AVPR2: variants seen among roughly 807,000 people sequenced by gnomAD.
AVPR2 encodes vasopressin V2 receptor.
A neutral mutation model predicts 12.0 loss-of-function variants in AVPR2; 3 were observed. That is an observed-to-expected ratio of 0.25 (90% CI 0.11 to 0.64). The LOEUF (loss-of-function observed/expected upper bound fraction) is 0.64. Among genes scored for constraint, AVPR2 ranks in the 30% least tolerant of loss-of-function variants. AVPR2 has a pLI of 0.84. For synonymous variants in AVPR2, 143 were observed against 147.5 expected, an observed-to-expected ratio of 0.97 and a Z score of 0.22; for missense variants, 279 against 347.9, an observed-to-expected ratio of 0.80 and a Z score of 1.58.
At position 153,905,767 on chromosome X, in the gene AVPR2, C is replaced by T. The variant is rs782453202; in HGVS notation, c.261C>T (p.Ala87=). ...GCCACTTGTGCCTGGCCGACCTGGC[C>T]GTGGCTCTGTTCCAAGTGCTGCCCC... ...FIGHLCLADL[A]VALFQVLPQL... is the part of the protein sequence containing the mutation. The change falls in exon 3 of 4, where the codon GCC becomes GCT. Residue 87 remains alanine, a synonymous_variant. Transcript: ENST00000646375. 5 of 1,208,422 alleles carry T rather than the reference C, an allele frequency of 4.1e-6. No individual in the cohort carries two copies. The highest frequency in any genetic ancestry group is 3.5e-5 in the African/African-American group (2 of 57,746).
upstream of AVPR2, among the ~76,000 whole-genome samples, chrX:153,903,368 GCACC>G (rs2064942886): frequency 4.7e-4 from 4 of 8,504 alleles, no homozygotes; most frequent in African/African-American, 1.7e-3. Flanking sequence ...GGTGTGATGT[GCACC>G]TGTGTGTGCT....
intron 2 of AVPR2, 124 bp downstream of exon 2, chrX:153,905,294 G>T: frequency 9.5e-7 from 1 of 1,049,271 alleles, no homozygotes; most frequent in Non-Finnish European, 1.3e-6. Flanking sequence ...GCCAATGAGT[G>T]GGGAGGGGAG....
At position 153,906,067 on chromosome X, in the gene AVPR2, C is replaced by T. The variant is rs1360805697; in HGVS notation, c.561C>T (p.Ser187=). Residue 187 remains serine (S), a synonymous_variant, in exon 3 of 4, where the codon AGC becomes AGT. Transcript: ENST00000646375. The part of the protein sequence containing the change: ...IFAQRNVEGG[S]GVTDCWACFA... The stretch of plus-strand genomic sequence containing the variant: ...CCCAGCGCAACGTGGAAGGTGGCAG[C>T]GGGGTCACTGACTGCTGGGCCTGCT... 5.0e-6 allele frequency: 6 copies of T among 1,210,882 alleles called. No homozygotes were observed. The highest frequency in any genetic ancestry group is 6.7e-6 in the Non-Finnish European group (6 of 895,434).
At chrX:153,904,541 A>AT (rs1410852977), upstream of AVPR2, among the ~76,000 whole-genome samples, 1 of 110,443 alleles carries the variant, frequency 9.1e-6, no homozygotes, top group Non-Finnish European at 1.9e-5. Context: ...CGTGGAGGCT[A>AT]TGGCAGTGGG....
At position 153,906,991 on chromosome X, in the gene AVPR2, A is replaced by G. The variant is rs781853683; in HGVS notation, c.*263A>G. On this transcript the variant is annotated 3_prime_UTR_variant, in exon 4 of 4. Coordinates refer to ENST00000646375, the MANE Select transcript of AVPR2 (RefSeq NM_000054.7). Reference sequence around the variant, plus strand: ...CTGAGCTGGGTGTAGGAGGGGCTGCAGCAGAGGCCTGAGGAGTGGCAGGAA... The same window carrying G: ...CTGAGCTGGGTGTAGGAGGGGCTGCGGCAGAGGCCTGAGGAGTGGCAGGAA... 2 of 482,024 alleles carry G rather than the reference A, an allele frequency of 4.1e-6. No homozygotes were observed. Among genetic ancestry groups the G allele is most frequent in the East Asian group, 3.9e-5 (1 of 25,375 alleles). 39.7% of individuals were successfully genotyped at this position (482,024 alleles called of 1,213,427 possible). A position where few individuals can be genotyped will look rare whatever the true frequency, so the allele number is the denominator to read the frequency against.
upstream of AVPR2, among the ~76,000 whole-genome samples, chrX:153,904,415 C>T (rs923254226): frequency 1.8e-4 from 20 of 112,662 alleles, no homozygotes; most frequent in African/African-American, 4.8e-4. Context: ...CCAGACCCAC[C>T]GCTCTCTGGC....
In AVPR2 at chrX:153,906,236, C is replaced by G. The variant is rs782395499; in HGVS notation, c.730C>G (p.Pro244Ala). The G allele has an allele frequency of 3.3e-6, 4 of 1,212,316 alleles. No homozygotes were observed. Among genetic ancestry groups the G allele is most frequent in the Middle Eastern group, 2.3e-4 (1 of 4,352 alleles). ...TCTGGTGCCAGGGCCATCAGAGAGG[C>G]CTGGGGGGCGCCGCAGGGGACGCCG... ...ASLVPGPSER[P>A]GGRRRGRRTG... The change falls in exon 3 of 4, where the codon CCT becomes GCT. Residue 244 changes from proline to alanine, a missense_variant. Physicochemically the swap from Pro to Ala is conservative, Grantham distance 27 (BLOSUM62 -1). Transcript: ENST00000646375.
chrX:153,904,512 G>A (rs1205620002), upstream of AVPR2, among the ~76,000 whole-genome samples: 6 of 111,936 alleles, frequency 5.4e-5, no homozygotes, highest in East Asian at 2.8e-4. Flanking sequence ...CCAGGGGGGC[G>A]TGGTAGGGTG....
In AVPR2 at chrX:153,905,696, C is replaced by T. The variant is rs150351033; in HGVS notation, c.190C>T (p.Arg64Trp). 1.0e-4 allele frequency: 121 copies of T among 1,205,990 alleles called. No homozygotes were observed. The African/African-American group carries it at 1.8e-3, about 18-fold the overall frequency. The change falls in exon 3 of 4, where the codon CGG becomes TGG. Residue 64 changes from arginine (R) to tryptophan (W), a missense_variant. Transcript: ENST00000646375. ...TGGCCTGGTGCTGGCGGCCCTAGCTCGGCGGGGCCGGCGGGGCCACTGGGC... is the reference window on the plus strand; with the variant it reads ...TGGCCTGGTGCTGGCGGCCCTAGCTTGGCGGGGCCGGCGGGGCCACTGGGC... ...SNGLVLAALA[R>W]RGRRGHWAPI...
chrX:153,903,276 G>C (rs1557099777), upstream of AVPR2, among the ~76,000 whole-genome samples: 1 of 113,419 alleles, frequency 8.8e-6, no homozygotes, highest in African/African-American at 3.2e-5. Context: ...CTGAGGAGAT[G>C]CAGCTGAAGC....
upstream of AVPR2, among the ~76,000 whole-genome samples, chrX:153,903,170 T>C (rs3761527): frequency 0.49 from 54,401 of 111,515 alleles, 11,411 homozygotes; most frequent in African/African-American, 0.8. Flanking sequence ...CCATCTCCTA[T>C]TCCACTGATC....
Position 153,905,765 on chromosome X carries a change from G to A in AVPR2, c.259G>A (p.Ala87Thr). The A allele has an allele frequency of 8.3e-7, 1 of 1,209,382 alleles. No homozygotes were observed. The highest frequency in any genetic ancestry group is 1.1e-6 in the Non-Finnish European group (1 of 895,653). ...TGGCCACTTGTGCCTGGCCGACCTG[G>A]CCGTGGCTCTGTTCCAAGTGCTGCC... ...FIGHLCLADL[A>T]VALFQVLPQL... is the part of the protein sequence containing the mutation. Residue 87 changes from alanine to threonine, a missense_variant, in exon 3 of 4, where the codon GCC becomes ACC. Ala to Thr is a moderately conservative substitution (Grantham distance 58, BLOSUM62 0). Coordinates refer to ENST00000646375, the MANE Select transcript of AVPR2 (RefSeq NM_000054.7).
Position 153,905,929 on chromosome X carries a change from C to A in AVPR2, c.423C>A (p.Ile141=). Residue 141 remains isoleucine (I), a synonymous_variant, in exon 3 of 4, where the codon ATC becomes ATA. Coordinates refer to ENST00000646375, the MANE Select transcript of AVPR2 (RefSeq NM_000054.7). The part of the protein sequence containing the change: ...LAMTLDRHRA[I]CRPMLAYRHG... Reference sequence around the variant, plus strand: ...TGACGCTGGACCGCCACCGTGCCATCTGCCGTCCCATGCTGGCGTACCGCC... The same window carrying A: ...TGACGCTGGACCGCCACCGTGCCATATGCCGTCCCATGCTGGCGTACCGCC... 1 of 1,204,127 alleles carries A rather than the reference C, an allele frequency of 8.3e-7. No homozygotes were observed. Among genetic ancestry groups the A allele is most frequent in the Non-Finnish European group, 1.1e-6 (1 of 895,695 alleles).
In AVPR2 at chrX:153,906,864, T is replaced by G. The variant is rs782141948; in HGVS notation, c.*136T>G. On this transcript the variant is annotated 3_prime_UTR_variant, in exon 4 of 4. Coordinates refer to ENST00000646375, the MANE Select transcript of AVPR2 (RefSeq NM_000054.7). ...GTGGCCCCGAGGCTGGGACACTGTGTGGCCCTGGACAAGCCACAGCCCCTG... is the reference window on the plus strand; with the variant it reads ...GTGGCCCCGAGGCTGGGACACTGTGGGGCCCTGGACAAGCCACAGCCCCTG... The G allele has an allele frequency of 3.3e-5, 23 of 686,698 alleles. No homozygotes were observed. In the South Asian group the frequency reaches 4.3e-4, roughly 13 times the overall value. 56.6% of individuals were successfully genotyped at this position (686,698 alleles called of 1,213,427 possible). A position where few individuals can be genotyped will look rare whatever the true frequency, so the allele number is the denominator to read the frequency against.
Position 153,904,701 on chromosome X carries a change from G to A in AVPR2, c.-243G>A. 4.8e-6 allele frequency: 1 copy of A among 209,887 alleles called. No individual in the cohort carries two copies. Among genetic ancestry groups the A allele is most frequent in the Non-Finnish European group, 9.0e-6 (1 of 111,522 alleles). The allele number at this position is 209,887 out of a possible 1,213,427, so 17.3% of individuals were successfully genotyped here. On this transcript the variant is annotated 5_prime_UTR_variant, in exon 1 of 4. Coordinates refer to ENST00000646375, the MANE Select transcript of AVPR2 (RefSeq NM_000054.7). ...GGCTGGGCTGGGCCAGGGCAGGGCA[G>A]CCGATGGAGAGCAGATCTGAGCACC...
upstream of AVPR2, among the ~76,000 whole-genome samples, chrX:153,903,528 TGTGTG>T (rs2064944234): frequency 1.8e-5 from 1 of 56,195 alleles, no homozygotes; most frequent in Non-Finnish European, 3.5e-5. Context: ...GTGTGGTGTG[TGTGTG>T]GTGTGGCGTA....
intron 2 of AVPR2, 69 bp from the exon 3 acceptor site, chrX:153,905,463 G>A (rs1203124519): frequency 1.3e-5 from 14 of 1,072,805 alleles, no homozygotes; most frequent in African/African-American, 7.4e-5. Context: ...ATGGGGGCAC[G>A]GGAGGCAGGC....
Position 153,905,684 on chromosome X carries a change from G to A in AVPR2, c.178G>A (p.Ala60Thr). ...GGCCCTGAGCAATGGCCTGGTGCTG[G>A]CGGCCCTAGCTCGGCGGGGCCGGCG... ...AVALSNGLVL[A>T]ALARRGRRGH... Residue 60 changes from alanine to threonine, a missense_variant, in exon 3 of 4, where the codon GCG (alanine) becomes ACG (threonine). Ala to Thr is a moderately conservative substitution (Grantham distance 58). Transcript: ENST00000646375. The A allele has an allele frequency of 8.3e-7, 1 of 1,211,374 alleles. No individual in the cohort carries two copies.
intron 1 of AVPR2, 21 bp downstream of exon 1, chrX:153,904,792 G>C (rs1450533967): frequency 2.8e-6 from 1 of 356,081 alleles, no homozygotes; most frequent in Non-Finnish European, 5.0e-6. Context: ...GCGCCTGCCT[G>C]CCCCCCTGCC....
Sources: gnomAD v4.1 joint callset for allele counts (sites outside exome capture counted in the v4.1 genomes callset) on GRCh38, gnomAD v4.1.1 for gene constraint, MANE v1.5 for transcripts, NCBI Gene and HGNC (gene_info 2026-07-23, HGNC 2026-07-21) for gene names.